The following MED12L variants were observed in gnomAD, a reference collection of about 807,000 sequenced individuals.
MED12L encodes the protein mediator complex subunit 12L.
A neutral mutation model predicts 281.3 loss-of-function variants in MED12L; 60 were observed. The ratio of observed to expected loss-of-function variants is 0.21; its 90% confidence interval spans 0.17 to 0.26. MED12L has a LOEUF of 0.26. Ranked by LOEUF, MED12L falls within the 10% of genes least tolerant of loss-of-function variation. MED12L has a pLI of 1.00. For missense variants in MED12L, 2,146 were observed against 2,680.9 expected (o/e 0.80, Z 4.41); for synonymous variants, 974 against 987.2 (o/e 0.99, Z 0.25).
Position 151,163,799 on chromosome 3 carries a change from A to G in MED12L, c.1108-94A>G, listed in dbSNP as rs542885438. 485 of 1,281,436 alleles carry G rather than the reference A, an allele frequency of 3.8e-4. 3 individuals carry two copies. The highest frequency in any genetic ancestry group is 5.1e-5 in the Non-Finnish European group (47 of 915,776). The allele number at this position is 1,281,436 out of a possible 1,614,324, so 79.4% of individuals were successfully genotyped here. ...TTAAACTTACTAGTAGGAGACAATA[A>G]TACAGTGATGACAGGGTGTCGTTTT... is the stretch of plus-strand genomic sequence containing the variant. On this transcript the variant is annotated intron_variant, in intron 8 of 44. Coordinates refer to ENST00000687756, the MANE Select transcript of MED12L (RefSeq NM_001393769.1).
intron 16 of MED12L, among the ~76,000 whole-genome samples, chr3:151,208,634 C>T (rs940687862): frequency 3.9e-5 from 6 of 151,936 alleles, no homozygotes; most frequent in Admixed American, 1.3e-4. Context: ...GCTGAGATCA[C>T]GCCACTGCAC....
In MED12L at chr3:151,387,958, T is replaced by C. The variant is rs758054498; in HGVS notation, c.5237T>C (p.Leu1746Pro). Reference sequence around the variant, plus strand: ...TACGAGGAGCAGCATCACCTCCTGCTGTATCACACACACCCCATGCCCAAG... The same window carrying C: ...TACGAGGAGCAGCATCACCTCCTGCCGTATCACACACACCCCATGCCCAAG... ...IKYEEQHHLLLYHTHPMPKPR... is the reference protein window; with the variant it reads ...IKYEEQHHLLPYHTHPMPKPR... The change falls in exon 37 of 45, where the codon CTG (leucine) becomes CCG (proline). Residue 1746 changes from leucine to proline, a missense_variant. By Grantham distance (98) the Leu-to-Pro change is moderately conservative (BLOSUM62 -3). Around this residue, in one of 9 missense-constraint regions of MED12L, gnomAD observed 496 missense variants for 512.0 expected, o/e 0.97. Coordinates refer to ENST00000687756, the MANE Select transcript of MED12L (RefSeq NM_001393769.1). The C allele has an allele frequency of 3.1e-6, 5 of 1,613,916 alleles. No homozygotes were observed. Among genetic ancestry groups the C allele is most frequent in the Non-Finnish European group, 4.2e-6 (5 of 1,180,002 alleles).
chr3:151,166,121 A>G (rs1720685939), intron 11 of MED12L, 139 bp downstream of exon 11: 2 of 647,910 alleles, frequency 3.1e-6, no homozygotes, highest in Admixed American at 3.3e-5. Flanking sequence ...AAATCATTCT[A>G]TTGTTGGACT....
At chr3:151,286,683 A>T (rs1743550297) in intron 16 of MED12L, among the ~76,000 whole-genome samples, 1 of 152,206 alleles carries the variant, frequency 6.6e-6, no homozygotes, top group Non-Finnish European at 1.5e-5. Flanking sequence ...ATCTTAACAT[A>T]GACATATTTT....
chr3:151,307,997 A>G (rs964876518), intron 16 of MED12L, among the ~76,000 whole-genome samples: 1 of 152,140 alleles, frequency 6.6e-6, no homozygotes, highest in East Asian at 1.9e-4. Context: ...CTCCTCATCT[A>G]TGAAACAGGG....
intron 6 of MED12L, among the ~76,000 whole-genome samples, chr3:151,158,271 G>T (rs1197619860): frequency 6.6e-6 from 1 of 152,110 alleles, no homozygotes; most frequent in Non-Finnish European, 1.5e-5. Flanking sequence ...AGCTATTAAG[G>T]GGGCATTGGG....
At position 151,116,391 on chromosome 3, in the gene MED12L, C is replaced by T; in HGVS notation, c.153C>T (p.Phe51=). The change falls in exon 3 of 45, where the codon TTC becomes TTT. Residue 51 remains phenylalanine (F), a synonymous_variant. Transcript: ENST00000687756. ...AAGGCTTCAATAATCAGCCAGCCTT[C>T]ACTGGAGATGAACATGGCTCAGCCA... ...VKQGFNNQPA[F]TGDEHGSARN... 2 of 1,613,508 alleles carry T rather than the reference C, an allele frequency of 1.2e-6. No individual in the cohort carries two copies. Among genetic ancestry groups the T allele is most frequent in the Non-Finnish European group, 1.7e-6 (2 of 1,179,596 alleles).
intron 16 of MED12L, among the ~76,000 whole-genome samples, chr3:151,220,962 C>G (rs1329155497): frequency 6.6e-6 from 1 of 152,128 alleles, no homozygotes; most frequent in Non-Finnish European, 1.5e-5. Flanking sequence ...TTTGGAACTT[C>G]CTAGAGACTT....
At chr3:151,233,687 C>A (rs927991346) in intron 16 of MED12L, among the ~76,000 whole-genome samples, 1 of 152,170 alleles carries the variant, frequency 6.6e-6, no homozygotes, top group Non-Finnish European at 1.5e-5. Context: ...GAGCCGAGAT[C>A]GTGCCATTGC....
chr3:151,159,167 T>C (rs924987356), intron 7 of MED12L, among the ~76,000 whole-genome samples: 1 of 152,376 alleles, frequency 6.6e-6, no homozygotes, highest in African/African-American at 2.4e-5. Flanking sequence ...CTACATTCTT[T>C]TGACAAGTCT....
intron 39 of MED12L, among the ~76,000 whole-genome samples, chr3:151,395,161 G>A (rs1714800950): frequency 6.6e-6 from 1 of 152,152 alleles, no homozygotes; most frequent in Non-Finnish European, 1.5e-5. Flanking sequence ...TTTTATCCTT[G>A]AGGTGACCTT....
chr3:151,202,821 C>G (rs1239961135), intron 16 of MED12L, among the ~76,000 whole-genome samples: 1 of 152,226 alleles, frequency 6.6e-6, no homozygotes, highest in Non-Finnish European at 1.5e-5. Context: ...AACATGGCCT[C>G]TATCCACCCA....
At chr3:151,141,178 G>GTTTTT (rs370095367) in intron 5 of MED12L, among the ~76,000 whole-genome samples, 38 of 102,208 alleles carry the variant, frequency 3.7e-4, no homozygotes, top group African/African-American at 9.8e-4. Context: ...TTTTTTTTTT[G>GTTTTT]TTTTTTTTGT....
At chr3:151,116,285 T>C in intron 2 of MED12L, 53 bp from the exon 3 acceptor site, 1 of 1,278,554 alleles carries the variant, frequency 7.8e-7, no homozygotes, top group Non-Finnish European at 1.1e-6. Flanking sequence ...ATATGTGGGA[T>C]TATGTTGAAG....
chr3:151,091,821 G>A (rs3105870), intron 2 of MED12L, among the ~76,000 whole-genome samples: 1 of 152,284 alleles, frequency 6.6e-6, no homozygotes, highest in African/African-American at 2.4e-5. Context: ...TTGAGTTCTG[G>A]CTACTCTGTT....
At chr3:151,238,185 C>T (rs977133984) in intron 16 of MED12L, among the ~76,000 whole-genome samples, 7 of 151,832 alleles carry the variant, frequency 4.6e-5, no homozygotes, top group Admixed American at 3.9e-4. Context: ...CTCGCTCTGT[C>T]ACCCAGGCTG....
intron 16 of MED12L, among the ~76,000 whole-genome samples, chr3:151,349,724 A>G (rs1752987100): frequency 6.6e-6 from 1 of 152,194 alleles, no homozygotes; most frequent in South Asian, 2.1e-4. Context: ...ACTAGACAAT[A>G]TGTTACATGA....
chr3:151,341,159 A>G (rs1751769434), intron 16 of MED12L, among the ~76,000 whole-genome samples: 2 of 152,156 alleles, frequency 1.3e-5, no homozygotes, highest in African/African-American at 4.8e-5. Flanking sequence ...ACAAGTAATT[A>G]TGTTAACTCA....
intron 36 of MED12L, among the ~76,000 whole-genome samples, chr3:151,385,444 C>T (rs970464285): frequency 2.6e-5 from 4 of 151,040 alleles, no homozygotes; most frequent in Non-Finnish European, 4.4e-5. Flanking sequence ...GGAAACCTAC[C>T]AAGAGAAAAC....
Sources: gnomAD v4.1 joint callset for allele counts (sites outside exome capture counted in the v4.1 genomes callset) on GRCh38, gnomAD v4.1.1 for gene constraint, gnomAD v4.1.1 regional missense constraint, MANE v1.5 for transcripts, NCBI Gene and HGNC (gene_info 2026-07-23, HGNC 2026-07-21) for gene names.